MZT1: variants seen among roughly 807,000 people sequenced by gnomAD.
MZT1 encodes the protein mitotic-spindle organizing protein 1.
A neutral mutation model predicts 8.5 loss-of-function variants in MZT1; 8 were observed. The ratio of observed to expected loss-of-function variants is 0.94; its 90% CI spans 0.55 to 1.70. MZT1 has a LOEUF of 1.70. MZT1 is among the 40% of genes most tolerant of loss of function. The probability of loss-of-function intolerance (pLI) is 0.00; values close to 1 mark genes in which losing one functional copy is unlikely to be tolerated. For missense variants in MZT1, 93 were observed against 108.6 expected (o/e 0.86, Z 0.64); for synonymous variants, 38 against 42.0 (o/e 0.90, Z 0.37).
chr13:72,722,522 T>C (rs1300272369), intron 1 of MZT1, among the ~76,000 whole-genome samples: 3 of 152,212 alleles, frequency 2.0e-5, no homozygotes, highest in African/African-American at 7.2e-5. Flanking sequence ...TCATCTTCCA[T>C]AGATTTATTT....
chr13:72,725,338 T>A (rs9530093), intron 1 of MZT1, among the ~76,000 whole-genome samples: 134,191 of 152,102 alleles, frequency 0.88, 61,230 homozygotes, highest in Non-Finnish European at 0.99. Context: ...TATTCTAAAT[T>A]GGCAGAGATA....
At chr13:72,711,086 A>G (rs2032484667) in intron 2 of MZT1, among the ~76,000 whole-genome samples, 1 of 152,182 alleles carries the variant, frequency 6.6e-6, no homozygotes, top group Non-Finnish European at 1.5e-5. Flanking sequence ...GGACATCTGT[A>G]AGAGAAAGGG....
At chr13:72,718,806 C>T (rs1349615524) in intron 2 of MZT1, 146 bp downstream of exon 2, 1 of 732,678 alleles carries the variant, frequency 1.4e-6, no homozygotes, top group East Asian at 2.8e-5. Flanking sequence ...ATGATATGAA[C>T]ATACACTATT....
Position 72,718,049 on chromosome 13 carries a change from G to A in MZT1, c.225+903C>T, listed in dbSNP as rs140181939. The stretch of plus-strand genomic sequence containing the variant: ...GCCATAATAAAGTAACCACATATTA[G>A]GTGGGTTAAAACAACAAAAATCTAT... On this transcript the variant is annotated intron_variant, in intron 2 of 2. Coordinates refer to ENST00000377818, the MANE Select transcript of MZT1 (RefSeq NM_001071775.3). Among the ~76,000 whole-genome samples, 614 of 152,268 alleles carry A rather than the reference G, an allele frequency of 4.0e-3. 2 individuals are homozygous for A. Among genetic ancestry groups the A allele is most frequent in the African/African-American group, 0.014 (587 of 41,554 alleles).
chr13:72,713,450 T>A (rs568256255), intron 2 of MZT1, among the ~76,000 whole-genome samples: 2 of 152,184 alleles, frequency 1.3e-5, no homozygotes, highest in Non-Finnish European at 2.9e-5. Context: ...TAAAAGGGTA[T>A]AGTATTTGCA....
At chr13:72,726,725 G>A (rs969497994) in intron 1 of MZT1, among the ~76,000 whole-genome samples, 11 of 142,070 alleles carry the variant, frequency 7.7e-5, no homozygotes, top group Admixed American at 6.0e-4. Context: ...AACTCCTGGA[G>A]GTAGGGTTTT....
At chr13:72,718,908 A>G in intron 2 of MZT1, 44 bp downstream of exon 2, 1 of 1,509,592 alleles carries the variant, frequency 6.6e-7, no homozygotes, top group South Asian at 1.3e-5. Context: ...ATTTTTCTAA[A>G]TAAAAGCATC....
At chr13:72,715,636 T>A (rs978656885) in intron 2 of MZT1, among the ~76,000 whole-genome samples, 1 of 152,190 alleles carries the variant, frequency 6.6e-6, no homozygotes. Context: ...ACTGAATTCA[T>A]CCCTCATGAA....
intron 2 of MZT1, among the ~76,000 whole-genome samples, chr13:72,713,390 C>A (rs1385106508): frequency 6.6e-6 from 1 of 152,186 alleles, no homozygotes; most frequent in African/African-American, 2.4e-5. Flanking sequence ...GACTCCCCAT[C>A]TTCCCCACCT....
chr13:72,723,773 T>C (rs2032611811), intron 1 of MZT1, among the ~76,000 whole-genome samples: 1 of 152,356 alleles, frequency 6.6e-6, no homozygotes, highest in African/African-American at 2.4e-5. Context: ...AAGGTATATA[T>C]GGTCCCACTC....
intron 1 of MZT1, among the ~76,000 whole-genome samples, chr13:72,727,086 C>T (rs1242881484): frequency 6.6e-6 from 1 of 152,270 alleles, no homozygotes; most frequent in Non-Finnish European, 1.5e-5. Context: ...CACCTGGCCC[C>T]TGTCCCCGCC....
intron 1 of MZT1, among the ~76,000 whole-genome samples, chr13:72,721,922 C>A (rs540216530): frequency 6.6e-6 from 1 of 152,278 alleles, no homozygotes; most frequent in East Asian, 1.9e-4. Context: ...TCAGCTGTAT[C>A]CAGCCTGTTA....
At chr13:72,723,021 T>G (rs1174686553) in intron 1 of MZT1, among the ~76,000 whole-genome samples, 1 of 152,218 alleles carries the variant, frequency 6.6e-6, no homozygotes, top group East Asian at 1.9e-4. Context: ...CATATTAAAC[T>G]TTTTAATCAC....
intron 1 of MZT1, among the ~76,000 whole-genome samples, chr13:72,727,172 G>A (rs140906386): frequency 5.2e-4 from 79 of 152,338 alleles, no homozygotes; most frequent in African/African-American, 1.9e-3. Context: ...GAGGGAACGG[G>A]TGTACTGGGT....
rs1375643980 is a variant in MZT1 at position 72,725,071 on chromosome 13, T to C, written c.79+2453A>G. Among the ~76,000 whole-genome samples, 3 of 146,668 alleles carry C rather than the reference T, an allele frequency of 2.0e-5. No homozygotes were observed. The East Asian group carries it at 6.0e-4, about 29-fold the overall frequency. On this transcript the variant is annotated intron_variant, in intron 1 of 2. Coordinates refer to ENST00000377818, the MANE Select transcript of MZT1 (RefSeq NM_001071775.3). ...GGTCTCAAAAAAAAAAAAAAAATAGTGCTATGATAAAGCCTCTCATAAGGA... is the reference window on the plus strand; with the variant it reads ...GGTCTCAAAAAAAAAAAAAAAATAGCGCTATGATAAAGCCTCTCATAAGGA...
chr13:72,718,278 C>T (rs2032555761), intron 2 of MZT1, among the ~76,000 whole-genome samples: 1 of 152,168 alleles, frequency 6.6e-6, no homozygotes, highest in African/African-American at 2.4e-5. Context: ...TTAGGATCTA[C>T]CCTAATCCAG....
chr13:72,715,852 C>G (rs1010307346), intron 2 of MZT1, among the ~76,000 whole-genome samples: 20 of 152,136 alleles, frequency 1.3e-4, no homozygotes, highest in Admixed American at 5.2e-4. Context: ...GCTTTCTATA[C>G]AGCCTGCAGA....
chr13:72,709,550 TAAG>T lies in MZT1; in HGVS notation c.*769_*771del, dbSNP rs1332905791. ...CCGTTATTTATAGGATATAAAACTT[TAAG>T]AAAACATTCTCAACTAACATTCTCA... On this transcript the variant is annotated 3_prime_UTR_variant, in exon 3 of 3. Coordinates refer to ENST00000377818, the MANE Select transcript of MZT1 (RefSeq NM_001071775.3). The T allele has an allele frequency of 6.6e-6, 1 of 152,058 alleles. No individual in the cohort carries two copies. Among genetic ancestry groups the T allele is most frequent in the African/African-American group, 2.4e-5 (1 of 41,452 alleles). The allele number at this position is 152,058 out of a possible 1,614,324, so 9.4% of individuals were successfully genotyped here. A position where few individuals can be genotyped will look rare whatever the true frequency, so the allele number is the denominator to read the frequency against.
intron 2 of MZT1, among the ~76,000 whole-genome samples, chr13:72,716,765 C>T (rs1304381140): frequency 6.6e-6 from 1 of 152,146 alleles, no homozygotes; most frequent in Non-Finnish European, 1.5e-5. Context: ...CAGAATAGGA[C>T]ATGTTTTTAG....
Sources: allele counts gnomAD v4.1 joint callset (sites outside exome capture counted in the v4.1 genomes callset), GRCh38; gene constraint gnomAD v4.1.1; transcripts MANE v1.5; gene names NCBI Gene and HGNC (gene_info 2026-07-23, HGNC 2026-07-21).